ARSB: variants seen among roughly 807,000 people sequenced by gnomAD.
ARSB encodes the protein N-acetylgalactosamine-4-sulfatase.
Under a neutral mutation model 50.9 loss-of-function variants are expected in ARSB, and 41 were observed. The observed-to-expected ratio is 0.81, with a 90% CI of 0.63 to 1.04. The LOEUF (loss-of-function observed/expected upper bound fraction) is 1.04. Ranked by LOEUF, ARSB falls within the 50% of genes least tolerant of loss-of-function variation. The pLI is 0.00. For synonymous variants in ARSB, 269 were observed against 284.8 expected, an observed-to-expected ratio of 0.94 and a Z score of 0.56; for missense variants, 672 against 693.3, an observed-to-expected ratio of 0.97 and a Z score of 0.35.
intron 2 of ARSB, among the ~76,000 whole-genome samples, chr5:78,967,321 T>C (rs1165018557): frequency 6.6e-6 from 1 of 152,214 alleles, no homozygotes; most frequent in Admixed American, 6.5e-5. Flanking sequence ...TCCATTTATC[T>C]TGTAAATAAT....
At position 78,885,770 on chromosome 5, in the gene ARSB, C is replaced by T. The variant is rs1284351522; in HGVS notation, c.956G>A (p.Trp319Ter). The change falls in exon 5 of 8, where the codon TGG becomes TAG. Residue 319 changes from tryptophan (W) to a stop codon, truncating the protein, a stop_gained. Transcript: ENST00000264914. LOFTEE classifies it high-confidence loss of function. ...GNNWPLRGRK[W>*]SLWEGGVRGV... ...TCGGACGCCTCCTTCCCACAGGCTC[C>T]ATTTTCTTCCTCGAAGGGGCCAGTT... The T allele has an allele frequency of 6.2e-7, 1 of 1,614,152 alleles. No individual in the cohort carries two copies. The highest frequency in any genetic ancestry group is 8.5e-7 in the Non-Finnish European group (1 of 1,180,022).
At chr5:78,847,138 T>C (rs1427170829) in intron 5 of ARSB, among the ~76,000 whole-genome samples, 1 of 152,186 alleles carries the variant, frequency 6.6e-6, no homozygotes, top group Non-Finnish European at 1.5e-5. Context: ...AATTTATTTT[T>C]ATTTTTTGAG....
At chr5:78,836,994 T>C (rs943467748) in intron 6 of ARSB, among the ~76,000 whole-genome samples, 1 of 152,034 alleles carries the variant, frequency 6.6e-6, no homozygotes, top group African/African-American at 2.4e-5. Flanking sequence ...TCACTCACTA[T>C]CACAAGAACA....
chr5:78,870,994 A>G (rs1365607737), intron 5 of ARSB, among the ~76,000 whole-genome samples: 1 of 151,740 alleles, frequency 6.6e-6, no homozygotes, highest in Non-Finnish European at 1.5e-5. Context: ...AATATACAAA[A>G]ATCACAAGCA....
intron 3 of ARSB, among the ~76,000 whole-genome samples, chr5:78,963,737 G>A (rs7705181): frequency 0.27 from 40,318 of 151,958 alleles, 6,653 homozygotes; most frequent in African/African-American, 0.47. Flanking sequence ...GGTATACCAG[G>A]TATATGGATT....
intron 5 of ARSB, among the ~76,000 whole-genome samples, chr5:78,857,700 C>G (rs1314906809): frequency 6.6e-6 from 1 of 152,118 alleles, no homozygotes; most frequent in Non-Finnish European, 1.5e-5. Context: ...CCCATCCCAG[C>G]ACATATTATT....
chr5:78,911,401 C>A (rs920506903), intron 4 of ARSB, among the ~76,000 whole-genome samples: 1 of 151,426 alleles, frequency 6.6e-6, no homozygotes, highest in African/African-American at 2.4e-5. Flanking sequence ...TGGTGAAACC[C>A]CGTCTCTACT....
rs75766476 is a variant in ARSB, at chr5:78,885,751, G to A, written c.975C>T (p.Gly325=). The A allele has an allele frequency of 1.5e-5, 24 of 1,614,042 alleles. No individual in the cohort carries two copies. The highest frequency in any genetic ancestry group is 1.0e-4 in the Admixed American group (6 of 59,992). Residue 325 remains glycine, a synonymous_variant, in exon 5 of 8, where the codon GGC becomes GGT. Coordinates refer to ENST00000264914, the MANE Select transcript of ARSB (RefSeq NM_000046.5). ...TTGCCACAAAGCCCACCCCTCGGAC[G>A]CCTCCTTCCCACAGGCTCCATTTTC... ...RGRKWSLWEG[G]VRGVGFVASP... is the part of the protein sequence containing the mutation.
intron 4 of ARSB, among the ~76,000 whole-genome samples, chr5:78,894,648 G>A (rs16876062): frequency 0.14 from 20,706 of 152,206 alleles, 4,223 homozygotes; most frequent in African/African-American, 0.45. Flanking sequence ...TTTAATGGCA[G>A]AAACAAAAAT....
At chr5:78,813,133 C>T (rs924970010) in intron 6 of ARSB, among the ~76,000 whole-genome samples, 5 of 151,796 alleles carry the variant, frequency 3.3e-5, no homozygotes, top group South Asian at 2.1e-4. Flanking sequence ...GGTGCAATCT[C>T]GGCTCACTGC....
chr5:78,816,134 A>T, intron 6 of ARSB: 1 of 1,614,066 alleles, frequency 6.2e-7, no homozygotes, highest in Middle Eastern at 1.6e-4. Context: ...ACACAAAATG[A>T]CTTTCCTGAA....
chr5:78,850,637 C>G (rs1316383190), intron 5 of ARSB, among the ~76,000 whole-genome samples: 2 of 152,178 alleles, frequency 1.3e-5, no homozygotes, highest in African/African-American at 4.8e-5. Context: ...AGGAATGGTA[C>G]CAGTTCCTCC....
At chr5:78,797,473 C>T (rs1580978182) in intron 6 of ARSB, among the ~76,000 whole-genome samples, 1 of 152,236 alleles carries the variant, frequency 6.6e-6, no homozygotes, top group Non-Finnish European at 1.5e-5. Flanking sequence ...CCAGCCTTCT[C>T]ACTTCCTTCT....
chr5:78,838,627 T>G (rs1368551242), intron 6 of ARSB, among the ~76,000 whole-genome samples: 1 of 152,208 alleles, frequency 6.6e-6, no homozygotes, highest in African/African-American at 2.4e-5. Flanking sequence ...AGGGCACTGT[T>G]TGCAAGATGA....
chr5:78,963,952 G>A (rs1223495970), intron 3 of ARSB, among the ~76,000 whole-genome samples: 1 of 152,140 alleles, frequency 6.6e-6, no homozygotes, highest in Admixed American at 6.5e-5. Flanking sequence ...GAACTGCCCT[G>A]ATCCCAAAAT....
At chr5:78,855,837 G>A (rs755552061) in intron 5 of ARSB, among the ~76,000 whole-genome samples, 4 of 152,124 alleles carry the variant, frequency 2.6e-5, no homozygotes, top group Non-Finnish European at 5.9e-5. Flanking sequence ...TTCATTCCCA[G>A]CTGCTTCCAA....
chr5:78,786,071 G>T (rs1463230705), intron 6 of ARSB, among the ~76,000 whole-genome samples: 1 of 152,136 alleles, frequency 6.6e-6, no homozygotes, highest in Non-Finnish European at 1.5e-5. Flanking sequence ...TCACAAAGTT[G>T]TATAACCATC....
intron 1 of ARSB, among the ~76,000 whole-genome samples, chr5:78,972,544 C>CACACACACACACACACACA (rs1554088554): frequency 1.4e-5 from 2 of 147,514 alleles, no homozygotes; most frequent in African/African-American, 2.6e-5. Flanking sequence ...CACACACACA[C>CACACACACACACACACACA]CCCAAATCAA....
chr5:78,905,093 T>G (rs973584348), intron 4 of ARSB, among the ~76,000 whole-genome samples: 3 of 152,232 alleles, frequency 2.0e-5, no homozygotes, highest in Admixed American at 2.0e-4. Flanking sequence ...ATTTCAGATA[T>G]TGTGTTTTTC....
Sources: allele counts gnomAD v4.1 joint callset (sites outside exome capture counted in the v4.1 genomes callset), GRCh38; gene constraint gnomAD v4.1.1; transcripts MANE v1.5; gene names NCBI Gene and HGNC (gene_info 2026-07-23, HGNC 2026-07-21).